SOBP: variants seen among roughly 807,000 people sequenced by gnomAD.
The protein encoded by SOBP is sine oculis binding protein homolog.
A neutral mutation model predicts 53.6 loss-of-function variants in SOBP; 4 were observed. The observed-to-expected ratio is 0.07, with a 90% confidence interval of 0.04 to 0.17. SOBP has a LOEUF of 0.17. Among genes scored for constraint, SOBP ranks in the 10% least tolerant of loss-of-function variants. The pLI is 1.00. For missense variants in SOBP, 1,088 were observed against 1,204.7 expected, an observed-to-expected ratio of 0.90 and a Z score of 1.43; for synonymous variants, 584 against 522.6, an observed-to-expected ratio of 1.12 and a Z score of -1.60.
chr6:107,644,753 AAC>A (rs1482301964), intron 6 of SOBP, among the ~76,000 whole-genome samples: 4 of 152,224 alleles, frequency 2.6e-5, no homozygotes, highest in African/African-American at 9.7e-5. Flanking sequence ...ATGAGTCAGA[AAC>A]ACATAGATCA....
chr6:107,627,112 A>G (rs1770495501), intron 5 of SOBP, among the ~76,000 whole-genome samples: 3 of 152,186 alleles, frequency 2.0e-5, no homozygotes, highest in African/African-American at 7.2e-5. Context: ...TGTATTGTGA[A>G]GGTGTAAGTT....
intron 3 of SOBP, among the ~76,000 whole-genome samples, chr6:107,512,838 CGT>C (rs1305052465): frequency 4.6e-5 from 7 of 152,208 alleles, no homozygotes; most frequent in African/African-American, 1.7e-4. Flanking sequence ...TGCAGAAAAC[CGT>C]GTGTACCTAG....
At chr6:107,575,941 G>A (rs1331359600) in intron 4 of SOBP, among the ~76,000 whole-genome samples, 1 of 152,132 alleles carries the variant, frequency 6.6e-6, no homozygotes, top group African/African-American at 2.4e-5. Flanking sequence ...AGAATGGCTG[G>A]GGTTTGAAAC....
At chr6:107,607,296 C>G (rs535547241) in intron 5 of SOBP, among the ~76,000 whole-genome samples, 9 of 152,208 alleles carry the variant, frequency 5.9e-5, no homozygotes, top group Middle Eastern at 3.4e-3. Context: ...ATTTGTTGCA[C>G]AACAGGAAGT....
At chr6:107,605,773 G>A (rs1390633435) in intron 5 of SOBP, among the ~76,000 whole-genome samples, 1 of 152,126 alleles carries the variant, frequency 6.6e-6, no homozygotes, top group Non-Finnish European at 1.5e-5. Context: ...TGCTCAAAAT[G>A]TGGCCCACCC....
chr6:107,577,576 C>T (rs1785268512), intron 4 of SOBP, among the ~76,000 whole-genome samples: 1 of 152,158 alleles, frequency 6.6e-6, no homozygotes, highest in South Asian at 2.1e-4. Context: ...AGCATGAATG[C>T]CCCTTGTAGT....
intron 3 of SOBP, among the ~76,000 whole-genome samples, chr6:107,532,672 G>A (rs1019842829): frequency 6.6e-6 from 1 of 152,174 alleles, no homozygotes; most frequent in African/African-American, 2.4e-5. Context: ...GCAACCCCAT[G>A]ACATGACATG....
chr6:107,637,313 G>A (rs1172954109), intron 6 of SOBP, among the ~76,000 whole-genome samples: 2 of 152,234 alleles, frequency 1.3e-5, no homozygotes, highest in Admixed American at 6.5e-5. Flanking sequence ...TGCTTGGGAA[G>A]CACAGACCAG....
At chr6:107,617,315 T>G (rs1464521794) in intron 5 of SOBP, among the ~76,000 whole-genome samples, 1 of 152,108 alleles carries the variant, frequency 6.6e-6, no homozygotes, top group Non-Finnish European at 1.5e-5. Flanking sequence ...CGAGATAAGA[T>G]TAATTTGGAT....
chr6:107,525,406 A>G (rs574713562), intron 3 of SOBP, among the ~76,000 whole-genome samples: 10 of 152,354 alleles, frequency 6.6e-5, no homozygotes, highest in East Asian at 1.9e-4. Flanking sequence ...CAGAATTACA[A>G]TTTTGTGACT....
chr6:107,542,743 G>A (rs1398786688), intron 4 of SOBP, among the ~76,000 whole-genome samples: 1 of 151,942 alleles, frequency 6.6e-6, no homozygotes, highest in Non-Finnish European at 1.5e-5. Flanking sequence ...TTGTGTGTGT[G>A]GTTTTGTTTT....
intron 4 of SOBP, among the ~76,000 whole-genome samples, chr6:107,574,780 C>G (rs1038918217): frequency 2.6e-5 from 4 of 152,204 alleles, no homozygotes; most frequent in Non-Finnish European, 4.4e-5. Flanking sequence ...TTTGGGTCTG[C>G]TCAGCCTTTG....
chr6:107,493,040 A>T (rs530114094), intron 1 of SOBP, among the ~76,000 whole-genome samples: 2 of 152,198 alleles, frequency 1.3e-5, no homozygotes, highest in Middle Eastern at 3.4e-3. Context: ...GCTCCTTAAT[A>T]TCTTTCTGTT....
At chr6:107,536,925 G>A (rs1276857743) in intron 4 of SOBP, among the ~76,000 whole-genome samples, 1 of 152,212 alleles carries the variant, frequency 6.6e-6, no homozygotes, top group Non-Finnish European at 1.5e-5. Flanking sequence ...CAGCGGGTAA[G>A]AAAAATACTT....
chr6:107,498,570 T>C (rs563300905), intron 1 of SOBP, among the ~76,000 whole-genome samples: 1 of 152,248 alleles, frequency 6.6e-6, no homozygotes, highest in Admixed American at 6.5e-5. Flanking sequence ...GTAGTGTCAT[T>C]CACAGCTCCT....
intron 2 of SOBP, among the ~76,000 whole-genome samples, chr6:107,504,463 G>C (rs1432341064): frequency 6.6e-6 from 1 of 152,190 alleles, no homozygotes; most frequent in African/African-American, 2.4e-5. Context: ...AACAGTGCCA[G>C]ATATCTCATG....
rs1782661105 is a variant in SOBP, at chr6:107,494,861, G to T, written c.96+4149G>T. On this transcript the variant is annotated intron_variant, in intron 1 of 6. Transcript: ENST00000317357. ...AGATTTTCTAGTTTGTTTTCTGATGGTCTCAATTTGGCATTAAAAATAACC... is the reference window on the plus strand; with the variant it reads ...AGATTTTCTAGTTTGTTTTCTGATGTTCTCAATTTGGCATTAAAAATAACC... 2.0e-5 allele frequency among the ~76,000 whole-genome samples: 3 copies of T among 152,084 alleles called. No individual in the cohort carries two copies. In the South Asian group the frequency reaches 6.2e-4, roughly 32 times the overall value.
At chr6:107,535,013 C>T (rs1184740093) in intron 4 of SOBP, among the ~76,000 whole-genome samples, 2 of 152,184 alleles carry the variant, frequency 1.3e-5, no homozygotes, top group African/African-American at 4.8e-5. Context: ...CTACTTACCA[C>T]AACAAAATAC....
intron 4 of SOBP, among the ~76,000 whole-genome samples, chr6:107,560,953 C>G (rs1244745665): frequency 6.6e-6 from 1 of 152,144 alleles, no homozygotes; most frequent in African/African-American, 2.4e-5. Flanking sequence ...AGCAGTGAGA[C>G]CATTGTCAAT....
Sources: allele counts gnomAD v4.1 joint callset (sites outside exome capture counted in the v4.1 genomes callset), GRCh38; gene constraint gnomAD v4.1.1; transcripts MANE v1.5; gene names NCBI Gene and HGNC (gene_info 2026-07-23, HGNC 2026-07-21).